GTF2I: variants seen among roughly 807,000 people sequenced by gnomAD.
The protein encoded by GTF2I is general transcription factor II-I.
GTF2I carries 12 observed loss-of-function variants against 67.6 expected under a neutral mutation model. The ratio of observed to expected loss-of-function variants is 0.18; its 90% CI spans 0.11 to 0.29. GTF2I has a LOEUF of 0.29. Ranked by LOEUF, GTF2I falls within the 10% of genes least tolerant of loss-of-function variation. GTF2I has a pLI of 1.00. For missense variants in GTF2I, 271 were observed against 580.1 expected, an observed-to-expected ratio of 0.47 and a Z score of 5.47; for synonymous variants, 149 against 197.0, an observed-to-expected ratio of 0.76 and a Z score of 2.04.
At chr7:74,708,521 C>T (rs1791082587) in intron 8 of GTF2I, among the ~76,000 whole-genome samples, 1 of 152,094 alleles carries the variant, frequency 6.6e-6, no homozygotes, top group Non-Finnish European at 1.5e-5. Context: ...GAGACATTGC[C>T]AGCCGGGCAC....
intron 1 of GTF2I, among the ~76,000 whole-genome samples, chr7:74,683,808 G>A (rs1787457847): frequency 6.6e-6 from 1 of 151,996 alleles, no homozygotes; most frequent in East Asian, 1.9e-4. Context: ...AGCCAGGATC[G>A]TGCCACTGCA....
intron 1 of GTF2I, among the ~76,000 whole-genome samples, chr7:74,670,710 CAAA>C (rs75928280): frequency 1.6e-5 from 2 of 126,398 alleles, no homozygotes; most frequent in Admixed American, 1.6e-4. Context: ...AAAAAAAAAA[CAAA>C]AAAAAAAAAC....
chr7:74,666,800 T>C (rs1805018477), intron 1 of GTF2I, among the ~76,000 whole-genome samples: 1 of 117,912 alleles, frequency 8.5e-6, no homozygotes, highest in Admixed American at 9.7e-5. Context: ...ACCCTGTCTC[T>C]ACTAAAAATA....
At position 74,714,895 on chromosome 7, in the gene GTF2I, C is replaced by A. The variant is rs1792068007; in HGVS notation, c.802C>A (p.Pro268Thr). 3 of 1,605,972 alleles carry A rather than the reference C, an allele frequency of 1.9e-6. No individual in the cohort carries two copies. Among genetic ancestry groups the A allele is most frequent in the Non-Finnish European group, 1.7e-6 (2 of 1,174,792 alleles). ...AACTGATGATGTTGATGAAAAACAG[C>A]CCCTATCGAAGCCTTTGCAAGGTAT... is the stretch of plus-strand genomic sequence containing the variant. ...SETDDVDEKQ[P>T]LSKPLQGSHH... Residue 268 changes from proline to threonine, a missense_variant, in exon 10 of 35, where the codon CCC becomes ACC. By Grantham distance (38) the Pro-to-Thr change is conservative. This residue lies in a region of GTF2I where 124 missense variants were observed against 147.0 expected (regional missense o/e 0.84). Coordinates refer to ENST00000573035, the MANE Select transcript of GTF2I (RefSeq NM_032999.4).
rs931030682 is a variant in GTF2I, at chr7:74,663,915, C to T, written c.-6+5847C>T. On this transcript the variant is annotated intron_variant, in intron 1 of 34. Transcript: ENST00000573035. ...CGTGATCTTGGCTCACTGCAACCTT[C>T]GCCTCCTGGGTTCAAGCGATTCTCC... is the stretch of plus-strand genomic sequence containing the variant. 5.3e-5 allele frequency among the ~76,000 whole-genome samples: 8 copies of T among 152,220 alleles called. 1 individual carries two copies. The highest frequency in any genetic ancestry group is 1.4e-4 in the African/African-American group (6 of 41,548).
At chr7:74,732,713 G>A (rs782201305) in intron 15 of GTF2I, 51 bp downstream of exon 15, 46 of 1,525,902 alleles carry the variant, frequency 3.0e-5, no homozygotes, top group African/African-American at 8.5e-5. Context: ...TGAGTAATAC[G>A]TCTTTTTTAT....
chr7:74,697,949 TGTTTGTTTG>T lies in GTF2I; in HGVS notation c.239-1011_239-1003del, dbSNP rs1465070137. Reference sequence around the variant, plus strand: ...ATGCCCAGCTAATTTTTGTATTTTTTGTTTGTTTGTTTGTTTGTTTGTTTGAGACGGAGT... The same window carrying T: ...ATGCCCAGCTAATTTTTGTATTTTTTTTTGTTTGTTTGTTTGAGACGGAGT... On this transcript the variant is annotated intron_variant, in intron 3 of 34. Coordinates refer to ENST00000573035, the MANE Select transcript of GTF2I (RefSeq NM_032999.4). Among the ~76,000 whole-genome samples the T allele has an allele frequency of 2.3e-4, 34 of 147,612 alleles. 1 individual carries two copies. Among genetic ancestry groups the T allele is most frequent in the Middle Eastern group, 6.8e-3 (2 of 294 alleles).
At chr7:74,712,503 TGTG>T (rs1791707292) in intron 9 of GTF2I, among the ~76,000 whole-genome samples, 2 of 138,502 alleles carry the variant, frequency 1.4e-5, no homozygotes, top group Non-Finnish European at 3.3e-5. Context: ...TGTGTGTGTG[TGTG>T]TGTGTGTGTG....
chr7:74,728,070 T>G (rs1794089858), intron 12 of GTF2I: 1 of 152,006 alleles, frequency 6.6e-6, no homozygotes, highest in Non-Finnish European at 1.5e-5. Flanking sequence ...GTGGCCGAGG[T>G]GGGTGGATCA....
chr7:74,749,830 A>G (rs1410471022), intron 26 of GTF2I, among the ~76,000 whole-genome samples: 7 of 134,956 alleles, frequency 5.2e-5, no homozygotes, highest in Admixed American at 2.2e-4. Context: ...AGAGGTTGCA[A>G]TGAGCCAAGA....
chr7:74,700,099 G>A lies in GTF2I; in HGVS notation c.374-148G>A, dbSNP rs1584186932. ...GGTTTAGACCTTCTGCTGACATGGG[G>A]AGATAGAATGCTGTAGTATTAATTA... On this transcript the variant is annotated intron_variant, in intron 4 of 34. Coordinates refer to ENST00000573035, the MANE Select transcript of GTF2I (RefSeq NM_032999.4). 7.7e-6 allele frequency: 6 copies of A among 775,714 alleles called. No individual in the cohort carries two copies. The East Asian group carries it at 1.4e-4, about 18-fold the overall frequency. 48.1% of individuals were successfully genotyped at this position (775,714 alleles called of 1,614,324 possible).
intron 1 of GTF2I, among the ~76,000 whole-genome samples, chr7:74,674,695 C>G (rs587623523): frequency 6.6e-6 from 1 of 151,650 alleles, no homozygotes; most frequent in African/African-American, 2.4e-5. Flanking sequence ...TGAGCCACCA[C>G]GCTCAACTAA....
intron 7 of GTF2I, among the ~76,000 whole-genome samples, chr7:74,705,553 CT>C (rs11439887): frequency 0.71 from 99,753 of 141,402 alleles, 34,902 homozygotes; most frequent in East Asian, 0.91. Context: ...GTTGGTAACT[CT>C]TTTTTTTTTT....
At chr7:74,665,218 A>G (rs1554388088) in intron 1 of GTF2I, among the ~76,000 whole-genome samples, 1 of 151,714 alleles carries the variant, frequency 6.6e-6, no homozygotes, top group Admixed American at 6.6e-5. Context: ...CTGGGATTAC[A>G]GGTGTGAGCC....
At chr7:74,673,851 T>G (rs1805669661) in intron 1 of GTF2I, among the ~76,000 whole-genome samples, 1 of 151,596 alleles carries the variant, frequency 6.6e-6, no homozygotes, top group South Asian at 2.1e-4. Context: ...CAGCTAATTT[T>G]TGTAGTTTTA....
Position 74,690,194 on chromosome 7 carries a change from G to A in GTF2I, c.100-779G>A, listed in dbSNP as rs1231007756. Among the ~76,000 whole-genome samples, 7 of 151,814 alleles carry A rather than the reference G, an allele frequency of 4.6e-5. No homozygotes were observed. The South Asian group carries it at 6.2e-4, about 14-fold the overall frequency. The stretch of plus-strand genomic sequence containing the variant: ...CGCGCCACCACACTCCAGCCTGGGC[G>A]ACAGAGTGGAACTCTGTCTTAAAAA... On this transcript the variant is annotated intron_variant, in intron 2 of 34. Transcript: ENST00000573035.
chr7:74,662,556 T>C (rs1352030730), intron 1 of GTF2I, among the ~76,000 whole-genome samples: 2 of 132,688 alleles, frequency 1.5e-5, no homozygotes, highest in Non-Finnish European at 3.1e-5. Context: ...ACAGTCTTGC[T>C]CTATCGCCCA....
chr7:74,660,208 TGAG>T (rs1554385808), intron 1 of GTF2I, among the ~76,000 whole-genome samples: 4 of 151,638 alleles, frequency 2.6e-5, no homozygotes, highest in Non-Finnish European at 5.9e-5. Flanking sequence ...CTGCTGTTGT[TGAG>T]AGGGTTTCGT....
At chr7:74,678,841 G>A (rs781863541) in intron 1 of GTF2I, among the ~76,000 whole-genome samples, 4 of 151,930 alleles carry the variant, frequency 2.6e-5, no homozygotes, top group African/African-American at 4.8e-5. Context: ...GCGCGATCTC[G>A]GCTCACTGCA....
Sources: gnomAD v4.1 joint callset for allele counts (sites outside exome capture counted in the v4.1 genomes callset) on GRCh38, gnomAD v4.1.1 for gene constraint, gnomAD v4.1.1 regional missense constraint, MANE v1.5 for transcripts, NCBI Gene and HGNC (gene_info 2026-07-23, HGNC 2026-07-21) for gene names.